The following KALRN variants were observed in gnomAD, a reference collection of about 807,000 sequenced individuals.
KALRN encodes the protein kalirin.
KALRN carries 70 observed loss-of-function variants against 353.7 expected under a neutral mutation model. That is an observed-to-expected ratio of 0.20 (90% CI 0.16 to 0.24). The LOEUF (loss-of-function observed/expected upper bound fraction) is 0.24. Ranked by LOEUF, KALRN falls within the 10% of genes least tolerant of loss-of-function variation. The pLI is 1.00. For synonymous variants in KALRN, 1,391 were observed against 1,434.8 expected (o/e 0.97, Z 0.69); for missense variants, 2,791 against 3,756.7 (o/e 0.74, Z 6.72).
intron 1 of KALRN, among the ~76,000 whole-genome samples, chr3:124,202,866 G>A (rs2076083293): frequency 6.6e-6 from 1 of 152,172 alleles, no homozygotes; most frequent in African/African-American, 2.4e-5. Flanking sequence ...CAATGCTGCT[G>A]TGGTCCTCTG....
chr3:124,155,619 A>G (rs945864029), intron 1 of KALRN, among the ~76,000 whole-genome samples: 5 of 152,390 alleles, frequency 3.3e-5, no homozygotes, highest in Admixed American at 6.5e-5. Flanking sequence ...TTAAGAAACC[A>G]TCCTCTCCAT....
intron 34 of KALRN, among the ~76,000 whole-genome samples, chr3:124,603,575 C>T (rs540611457): frequency 3.5e-4 from 53 of 152,244 alleles, no homozygotes; most frequent in African/African-American, 1.2e-3. Flanking sequence ...TCGACTTCCC[C>T]AGAGGATAGT....
intron 51 of KALRN, among the ~76,000 whole-genome samples, chr3:124,684,005 GTGGTT>G (rs2061449230): frequency 2.0e-5 from 3 of 152,118 alleles, no homozygotes; most frequent in African/African-American, 7.2e-5. Context: ...TTTTGAGTGT[GTGGTT>G]CAATGGCATT....
intron 33 of KALRN, among the ~76,000 whole-genome samples, chr3:124,501,339 T>C (rs1184244001): frequency 1.3e-5 from 2 of 152,178 alleles, no homozygotes; most frequent in Non-Finnish European, 2.9e-5. Context: ...AATGGTGATA[T>C]GCCAAAGAAG....
At chr3:124,331,262 A>G (rs1436515629) in intron 8 of KALRN, among the ~76,000 whole-genome samples, 1 of 152,222 alleles carries the variant, frequency 6.6e-6, no homozygotes, top group Non-Finnish European at 1.5e-5. Flanking sequence ...ACACCATGGA[A>G]TACTACTCAG....
intron 45 of KALRN, among the ~76,000 whole-genome samples, chr3:124,664,652 G>T (rs140218946): frequency 0.013 from 1,926 of 152,198 alleles, 42 homozygotes; most frequent in African/African-American, 0.044. Context: ...CTGGTGATCC[G>T]CCGGCCTTGG....
At chr3:124,504,658 C>T (rs2065008274) in intron 33 of KALRN, 1 of 359,770 alleles carries the variant, frequency 2.8e-6, no homozygotes, top group South Asian at 2.1e-5. Flanking sequence ...CACATCATAG[C>T]CTTGGTGGGA....
In KALRN at chr3:124,472,035, A is replaced by C. The variant is rs147848401; in HGVS notation, c.4032-2628A>C. ...TCCTCATGAAAATTATATGCTGTGCATTTAATTCTGGTTATAGTATTTTTG... is the reference window on the plus strand; with the variant it reads ...TCCTCATGAAAATTATATGCTGTGCCTTTAATTCTGGTTATAGTATTTTTG... On this transcript the variant is annotated intron_variant, in intron 25 of 59. Transcript: ENST00000682506. Among the ~76,000 whole-genome samples, 31 of 151,314 alleles carry C rather than the reference A, an allele frequency of 2.0e-4. No individual in the cohort carries two copies. In the East Asian group the frequency reaches 5.8e-3, roughly 29 times the overall value.
chr3:124,203,391 G>C (rs2076125907), intron 1 of KALRN, among the ~76,000 whole-genome samples: 1 of 152,192 alleles, frequency 6.6e-6, no homozygotes, highest in African/African-American at 2.4e-5. Context: ...AAGGGAACCA[G>C]GAGGCTGGGT....
chr3:124,446,712 CCTA>C, intron 20 of KALRN, 48 bp from the exon 21 acceptor site: 1 of 1,610,890 alleles, frequency 6.2e-7, no homozygotes, highest in East Asian at 2.2e-5. Context: ...GGCATGTTTT[CCTA>C]CTGACAGCTG....
intron 16 of KALRN, among the ~76,000 whole-genome samples, chr3:124,433,022 AT>A (rs1483134325): frequency 1.3e-5 from 2 of 152,130 alleles, no homozygotes; most frequent in Non-Finnish European, 2.9e-5. Flanking sequence ...TTCTCCTTAA[AT>A]GTTTCAGTTC....
intron 7 of KALRN, among the ~76,000 whole-genome samples, chr3:124,329,238 C>T (rs545352569): frequency 2.6e-5 from 4 of 152,320 alleles, no homozygotes; most frequent in African/African-American, 9.6e-5. Flanking sequence ...TATATCACAA[C>T]CTGGGATGCA....
At chr3:124,612,313 C>T (rs559214498) in intron 34 of KALRN, among the ~76,000 whole-genome samples, 2 of 152,356 alleles carry the variant, frequency 1.3e-5, no homozygotes, top group African/African-American at 4.8e-5. Context: ...AAGCAATTCT[C>T]CTGCCTCAGC....
intron 1 of KALRN, among the ~76,000 whole-genome samples, chr3:124,209,850 G>A (rs1434829978): frequency 6.6e-6 from 1 of 152,192 alleles, no homozygotes; most frequent in Admixed American, 6.5e-5. Context: ...GTATATGCTT[G>A]TATTACATCA....
rs949635048 is a variant in KALRN at position 124,158,080 on chromosome 3, C to T, written c.74-69910C>T. Among the ~76,000 whole-genome samples the T allele has an allele frequency of 2.0e-5, 3 of 152,234 alleles. No individual in the cohort carries two copies. In the East Asian group the frequency reaches 5.8e-4, roughly 29 times the overall value. On this transcript the variant is annotated intron_variant, in intron 1 of 59. Coordinates refer to ENST00000682506, the MANE Select transcript of KALRN (RefSeq NM_001388419.1). ...AGACTGGTCTACGCAGAGAGGCTCA[C>T]AGGTGTGCCTTGTAAACTTCAGAAA...
At chr3:124,121,693 G>A (rs560534175) in intron 1 of KALRN, among the ~76,000 whole-genome samples, 1 of 152,158 alleles carries the variant, frequency 6.6e-6, no homozygotes, top group African/African-American at 2.4e-5. Context: ...TTACAGTTTG[G>A]GGATGCTTTT....
At chr3:124,066,744 C>G (rs920618893) in intron 1 of KALRN, among the ~76,000 whole-genome samples, 1 of 152,176 alleles carries the variant, frequency 6.6e-6, no homozygotes, top group African/African-American at 2.4e-5. Context: ...TATGATCCAT[C>G]TAGGTCAGCC....
chr3:124,420,659 A>G (rs1489977137), intron 14 of KALRN, among the ~76,000 whole-genome samples: 1 of 152,208 alleles, frequency 6.6e-6, no homozygotes, highest in Non-Finnish European at 1.5e-5. Flanking sequence ...AGGACTTGGA[A>G]TTATGAAACA....
chr3:124,553,709 C>T (rs1453544712), intron 33 of KALRN, among the ~76,000 whole-genome samples: 1 of 152,234 alleles, frequency 6.6e-6, no homozygotes, highest in East Asian at 1.9e-4. Context: ...GCAGGAAATG[C>T]CTTCCTGTGC....
Sources: allele counts gnomAD v4.1 joint callset (sites outside exome capture counted in the v4.1 genomes callset), GRCh38; gene constraint gnomAD v4.1.1; transcripts MANE v1.5; gene names NCBI Gene and HGNC (gene_info 2026-07-23, HGNC 2026-07-21).